The following CHD6 variants were observed in gnomAD, a reference collection of about 807,000 sequenced individuals.
The protein encoded by CHD6 is ATP-dependent chromatin remodeler CHD6.
A neutral mutation model predicts 276.9 loss-of-function variants in CHD6; 50 were observed. That is an observed-to-expected ratio of 0.18 (90% CI 0.14 to 0.23). The LOEUF is 0.23. Ranked by LOEUF, CHD6 falls within the 10% of genes least tolerant of loss-of-function variation. The probability of loss-of-function intolerance (pLI) is 1.00; values close to 1 mark genes in which losing one functional copy is unlikely to be tolerated. For missense variants in CHD6, 2,564 were observed against 3,365.8 expected (o/e 0.76, Z 5.89); for synonymous variants, 1,173 against 1,229.3 (o/e 0.95, Z 0.96).
chr20:41,503,840 G>A (rs970927010), intron 5 of CHD6, among the ~76,000 whole-genome samples: 1 of 151,942 alleles, frequency 6.6e-6, no homozygotes, highest in Non-Finnish European at 1.5e-5. Flanking sequence ...CACTTTAGGA[G>A]GCCGAAGTGG....
intron 4 of CHD6, among the ~76,000 whole-genome samples, chr20:41,513,711 T>C (rs140273021): frequency 2.0e-5 from 3 of 152,302 alleles, no homozygotes; most frequent in African/African-American, 4.8e-5. Context: ...ATCTCAACAG[T>C]AGAATCACTT....
chr20:41,599,573 C>T (rs2146282590), intron 1 of CHD6, among the ~76,000 whole-genome samples: 1 of 152,250 alleles, frequency 6.6e-6, no homozygotes. Context: ...CCCCTCCCTA[C>T]TCGGATAAGT....
chr20:41,530,503 A>G (rs183602289), intron 3 of CHD6, among the ~76,000 whole-genome samples: 1 of 152,358 alleles, frequency 6.6e-6, no homozygotes, highest in Admixed American at 6.5e-5. Context: ...CTGCAAGAGT[A>G]AATCAACGAG....
chr20:41,499,429 T>C (rs1356261023), intron 5 of CHD6, 72 bp from the exon 6 acceptor site: 6 of 1,192,806 alleles, frequency 5.0e-6, no homozygotes, highest in Middle Eastern at 1.9e-4. Flanking sequence ...CTGTAAGAAA[T>C]ACTACAATGG....
intron 16 of CHD6, among the ~76,000 whole-genome samples, chr20:41,476,810 GAAA>G (rs969690207): frequency 7.1e-6 from 1 of 141,740 alleles, no homozygotes; most frequent in Admixed American, 7.0e-5. Flanking sequence ...GAAAGAAAAA[GAAA>G]AAAAAAAGCT....
At chr20:41,580,610 T>G (rs1249532224) in intron 1 of CHD6, among the ~76,000 whole-genome samples, 1 of 138,578 alleles carries the variant, frequency 7.2e-6, no homozygotes, top group Non-Finnish European at 1.5e-5. Context: ...CAATGAGACG[T>G]GATTATGCCT....
At chr20:41,510,825 T>C (rs1297246834) in intron 5 of CHD6, among the ~76,000 whole-genome samples, 1 of 152,210 alleles carries the variant, frequency 6.6e-6, no homozygotes, top group East Asian at 1.9e-4. Context: ...GAAAACCCCA[T>C]TACAAAGCAA....
At position 41,452,835 on chromosome 20, in the gene CHD6, G is replaced by A. The variant is rs182170504; in HGVS notation, c.3228C>T (p.Asp1076=). The A allele has an allele frequency of 6.2e-6, 10 of 1,613,316 alleles. No homozygotes were observed. In the East Asian group the frequency reaches 8.9e-5, roughly 14 times the overall value. ...MEFSELDSDS[D]ERPTRSRRLN... is the part of the protein sequence containing the mutation. ...GGCGCCTGGATCTCGTGGGCCTTTC[G>A]TCTGAGTCGCTGTCTAACTCTGAAA... Residue 1076 remains aspartate, a synonymous_variant, in exon 21 of 37, where the codon GAC becomes GAT. Coordinates refer to ENST00000373233, the MANE Select transcript of CHD6 (RefSeq NM_032221.5). This position sits in a 1 kb window ranked among gnomAD's most constrained non-coding sequence, Gnocchi z 4.2.
intron 1 of CHD6, among the ~76,000 whole-genome samples, chr20:41,558,511 A>T (rs187832101): frequency 1.3e-5 from 2 of 152,208 alleles, no homozygotes; most frequent in Non-Finnish European, 2.9e-5. Context: ...AAAACAAACA[A>T]TATAAAAGCT....
At chr20:41,544,862 T>G (rs1427225869) in intron 2 of CHD6, among the ~76,000 whole-genome samples, 1 of 152,010 alleles carries the variant, frequency 6.6e-6, no homozygotes, top group Non-Finnish European at 1.5e-5. Flanking sequence ...TGTGTCAACT[T>G]ACATACAATT....
intron 1 of CHD6, among the ~76,000 whole-genome samples, chr20:41,583,191 TAATA>T (rs1010328695): frequency 2.0e-5 from 3 of 151,992 alleles, no homozygotes; most frequent in Non-Finnish European, 2.9e-5. Context: ...CAAATAAATA[TAATA>T]AATACAATAA....
chr20:41,483,481 G>A lies in CHD6; in HGVS notation c.2296C>T (p.His766Tyr). 3.7e-6 allele frequency: 6 copies of A among 1,613,186 alleles called. No homozygotes were observed. Among genetic ancestry groups the A allele is most frequent in the Non-Finnish European group, 5.1e-6 (6 of 1,179,702 alleles). Residue 766 changes from histidine to tyrosine, a missense_variant, in exon 16 of 37, where the codon CAC becomes TAC. Transcript: ENST00000373233. ...EKILEDFRKT[H>Y]SPDAPDFQLQ... ...TGAAAGTCAGGGGCATCAGGGCTGT[G>A]GGTTTTTCGGAAATCTTCTAGAATT... is the stretch of plus-strand genomic sequence containing the variant.
chr20:41,436,444 A>T (rs1011644859), intron 27 of CHD6, among the ~76,000 whole-genome samples: 3 of 152,214 alleles, frequency 2.0e-5, no homozygotes, highest in Non-Finnish European at 4.4e-5. Flanking sequence ...GCCACTCTGG[A>T]AAACAATTTG....
At position 41,403,400 on chromosome 20, in the gene CHD6, G is replaced by C; in HGVS notation, c.*1193C>G. ...TGCTGCTTAGGCAGTTTCTTTCTCAGTTCCTAAACATGGAGAAGCTGAGGA... is the reference window on the plus strand; with the variant it reads ...TGCTGCTTAGGCAGTTTCTTTCTCACTTCCTAAACATGGAGAAGCTGAGGA... On this transcript the variant is annotated 3_prime_UTR_variant, in exon 37 of 37. Transcript: ENST00000373233. 9.4e-7 allele frequency: 1 copy of C among 1,062,070 alleles called. No individual in the cohort carries two copies. The highest frequency in any genetic ancestry group is 1.1e-6 in the Non-Finnish European group (1 of 877,106). 65.8% of individuals were successfully genotyped at this position (1,062,070 alleles called of 1,614,324 possible). A position where few individuals can be genotyped will look rare whatever the true frequency, so the allele number is the denominator to read the frequency against.
At chr20:41,536,898 A>G (rs1415725148) in intron 2 of CHD6, among the ~76,000 whole-genome samples, 1 of 152,178 alleles carries the variant, frequency 6.6e-6, no homozygotes, top group Non-Finnish European at 1.5e-5. Flanking sequence ...TCATATAAAC[A>G]GTATTTACTG....
intron 17 of CHD6, among the ~76,000 whole-genome samples, chr20:41,460,624 G>A (rs2048515893): frequency 6.6e-6 from 1 of 152,176 alleles, no homozygotes; most frequent in African/African-American, 2.4e-5. Context: ...TGAGCCTGAG[G>A]GTGCACAGAA....
chr20:41,594,986 TC>T (rs1379213652), intron 1 of CHD6, among the ~76,000 whole-genome samples: 1 of 152,226 alleles, frequency 6.6e-6, no homozygotes, highest in Non-Finnish European at 1.5e-5. Context: ...TGCTGGTTTT[TC>T]TTTGTGGCAC....
chr20:41,617,623 C>T (rs2045946034), intron 1 of CHD6, among the ~76,000 whole-genome samples: 1 of 152,142 alleles, frequency 6.6e-6, no homozygotes, highest in East Asian at 1.9e-4. Context: ...ACAGATAGAT[C>T]TTTTTTTAAA....
Position 41,473,156 on chromosome 20 carries a change from A to G in CHD6, c.2664+166T>C. 1.7e-6 allele frequency: 1 copy of G among 581,910 alleles called. No individual in the cohort carries two copies. Among genetic ancestry groups the G allele is most frequent in the South Asian group, 2.6e-5 (1 of 38,916 alleles). 36.0% of individuals were successfully genotyped at this position (581,910 alleles called of 1,614,324 possible). ...TCTCTAATTAGTTGGAAGGGTCGAC[A>G]TTTACTTTTCATTCAGTTTCACCCC... On this transcript the variant is annotated intron_variant, in intron 17 of 36. Coordinates refer to ENST00000373233, the MANE Select transcript of CHD6 (RefSeq NM_032221.5). This position sits in a 1 kb window ranked among gnomAD's most constrained non-coding sequence, Gnocchi z 4.1.
Sources: allele counts gnomAD v4.1 joint callset (sites outside exome capture counted in the v4.1 genomes callset), GRCh38; gene constraint gnomAD v4.1.1; non-coding constraint Gnocchi (gnomAD v3.1); transcripts MANE v1.5; gene names NCBI Gene and HGNC (gene_info 2026-07-23, HGNC 2026-07-21).